MAF: variants seen among roughly 807,000 people sequenced by gnomAD.
The protein encoded by MAF is MAF bZIP transcription factor.
In MAF, 10 loss-of-function variants were observed where a neutral mutation model predicts 22.0. The observed-to-expected ratio is 0.45, with a 90% CI of 0.28 to 0.77. The LOEUF (loss-of-function observed/expected upper bound fraction) is 0.77, where lower values mean the gene tolerates loss of function less well. Among genes scored for constraint, MAF ranks in the 30% least tolerant of loss-of-function variants. The pLI, the probability that MAF is intolerant of heterozygous loss-of-function variation, is 0.12. For missense variants in MAF, 544 were observed against 548.4 expected (o/e 0.99, Z 0.08); for synonymous variants, 337 against 255.8 (o/e 1.32, Z -3.03).
the MAF span, among the ~76,000 whole-genome samples, chr16:79,263,060 T>C: frequency 6.6e-6 from 1 of 152,176 alleles, no homozygotes; most frequent in Non-Finnish European, 1.5e-5. Context: ...TGACACAGTG[T>C]GGCCCAGTGT....
the MAF span, among the ~76,000 whole-genome samples, chr16:79,329,691 C>T: frequency 1.3e-5 from 2 of 152,168 alleles, no homozygotes; most frequent in African/African-American, 4.8e-5. Flanking sequence ...GAATGAGAGA[C>T]ATCTGTTCAT....
chr16:79,533,350 A>G, the MAF span, among the ~76,000 whole-genome samples: 176 of 152,242 alleles, frequency 1.2e-3, 1 homozygote, highest in African/African-American at 4.1e-3. Context: ...CTCCTTTTCT[A>G]TTTTATATAC....
At chr16:79,277,208 G>A in the MAF span, among the ~76,000 whole-genome samples, 4 of 152,000 alleles carry the variant, frequency 2.6e-5, no homozygotes, top group African/African-American at 4.8e-5. Context: ...TAGGACACGT[G>A]CAGTTCGGTG....
chr16:79,433,670 T>C, the MAF span, among the ~76,000 whole-genome samples: 5 of 152,128 alleles, frequency 3.3e-5, no homozygotes, highest in African/African-American at 1.2e-4. Context: ...TCAAACTTGT[T>C]ACTGTTCTCA....
At chr16:79,291,843 C>T in the MAF span, among the ~76,000 whole-genome samples, 2 of 149,090 alleles carry the variant, frequency 1.3e-5, no homozygotes, top group African/African-American at 5.0e-5. Flanking sequence ...GGTCCCAGCC[C>T]TCACAGGGTA....
chr16:79,548,964 C>A, the MAF span, among the ~76,000 whole-genome samples: 1 of 152,206 alleles, frequency 6.6e-6, no homozygotes, highest in Non-Finnish European at 1.5e-5. Flanking sequence ...ATGATGACAT[C>A]TTCTACATTA....
At chr16:79,504,402 T>C in the MAF span, among the ~76,000 whole-genome samples, 1 of 152,218 alleles carries the variant, frequency 6.6e-6, no homozygotes, top group South Asian at 2.1e-4. Context: ...CAGCTTCTTA[T>C]AGCTGCATAA....
At chr16:79,224,572 C>T in the MAF span, among the ~76,000 whole-genome samples, 5 of 152,182 alleles carry the variant, frequency 3.3e-5, no homozygotes, top group Non-Finnish European at 4.4e-5. Context: ...GTCAAATTGT[C>T]TCTGTTTACA....
the MAF span, among the ~76,000 whole-genome samples, chr16:79,384,712 A>G: frequency 5.3e-5 from 8 of 152,086 alleles, no homozygotes; most frequent in African/African-American, 1.9e-4. Flanking sequence ...AGCCAAGACC[A>G]CGCCACTGCA....
chr16:79,315,456 A>T, the MAF span, among the ~76,000 whole-genome samples: 3 of 152,236 alleles, frequency 2.0e-5, no homozygotes, highest in Non-Finnish European at 4.4e-5. Flanking sequence ...TACTCTTTCA[A>T]CTTCTACCAA....
the MAF span, among the ~76,000 whole-genome samples, chr16:79,248,181 TTA>T: frequency 0.12 from 18,000 of 151,780 alleles, 1,288 homozygotes; most frequent in Middle Eastern, 0.18. Flanking sequence ...TTTTTTTTTT[TTA>T]AATTAACTAC....
chr16:79,241,252 AG>A, the MAF span, among the ~76,000 whole-genome samples: 1 of 152,092 alleles, frequency 6.6e-6, no homozygotes, highest in Non-Finnish European at 1.5e-5. Context: ...ACCGAGCTAA[AG>A]GAGCATGTTC....
At chr16:79,328,746 C>T in the MAF span, among the ~76,000 whole-genome samples, 2 of 152,162 alleles carry the variant, frequency 1.3e-5, no homozygotes, top group African/African-American at 2.4e-5. Flanking sequence ...TAACATTCTC[C>T]AACCAGCTTG....
downstream of MAF, among the ~76,000 whole-genome samples, chr16:79,584,592 G>A (rs376828657): frequency 1.8e-4 from 27 of 152,274 alleles, no homozygotes; most frequent in East Asian, 1.4e-3. Flanking sequence ...TGGTTTCAAT[G>A]TCACGAAACC....
At chr16:79,580,493 G>A in the MAF span, among the ~76,000 whole-genome samples, 8 of 152,182 alleles carry the variant, frequency 5.3e-5, no homozygotes, top group East Asian at 7.7e-4. Flanking sequence ...CTGTGGTTCC[G>A]CTGGATTAGA....
chr16:79,417,488 G>A, the MAF span, among the ~76,000 whole-genome samples: 1 of 152,190 alleles, frequency 6.6e-6, no homozygotes, highest in Non-Finnish European at 1.5e-5. Flanking sequence ...CATGCTATTT[G>A]GATGTGCGAT....
chr16:79,489,530 A>G, the MAF span, among the ~76,000 whole-genome samples: 1 of 152,200 alleles, frequency 6.6e-6, no homozygotes, highest in African/African-American at 2.4e-5. Flanking sequence ...AGAGGGAGGA[A>G]CTTCCCTGTT....
chr16:79,499,740 C>T, the MAF span, among the ~76,000 whole-genome samples: 1 of 152,204 alleles, frequency 6.6e-6, no homozygotes, highest in African/African-American at 2.4e-5. Flanking sequence ...AGCTCCAGAA[C>T]TGTGCAAAAT....
chr16:79,414,425 A>G, the MAF span, among the ~76,000 whole-genome samples: 2 of 152,162 alleles, frequency 1.3e-5, no homozygotes, highest in African/African-American at 4.8e-5. Context: ...TTAAAAATCA[A>G]TCAGATCTCA....
Sources: allele counts gnomAD v4.1 joint callset (sites outside exome capture counted in the v4.1 genomes callset), GRCh38; gene constraint gnomAD v4.1.1; transcripts MANE v1.5; gene names NCBI Gene and HGNC (gene_info 2026-07-23, HGNC 2026-07-21).